Variants in MCF2L2 observed in about 807,000 individuals in gnomAD.
The protein encoded by MCF2L2 is probable guanine nucleotide exchange factor MCF2L2.
Under a neutral mutation model 150.2 loss-of-function variants are expected in MCF2L2, and 102 were observed. The ratio of observed to expected loss-of-function variants is 0.68; its 90% confidence interval spans 0.58 to 0.80. The LOEUF is 0.80. Among genes scored for constraint, MCF2L2 ranks in the 30% least tolerant of loss-of-function variants. MCF2L2 has a pLI of 0.00. For missense variants in MCF2L2, 1,256 were observed against 1,372.8 expected (o/e 0.91, Z 1.34); for synonymous variants, 465 against 491.3 (o/e 0.95, Z 0.71).
chr3:183,387,703 C>T (rs1015658640), intron 2 of MCF2L2, among the ~76,000 whole-genome samples: 2 of 151,956 alleles, frequency 1.3e-5, no homozygotes, highest in African/African-American at 2.4e-5. Context: ...GAGGCTGAGG[C>T]AGGTGGATCA....
chr3:183,329,023 G>T (rs1000010194), intron 5 of MCF2L2, among the ~76,000 whole-genome samples: 3 of 152,048 alleles, frequency 2.0e-5, no homozygotes, highest in Non-Finnish European at 4.4e-5. Context: ...AAATACCCTC[G>T]TTTTTGAAAA....
At position 183,270,997 on chromosome 3, in the gene MCF2L2, TAAATGTTCGTCTATACCCTAAGTA is replaced by T; in HGVS notation, c.1862+5851_1862+5874del. The stretch of plus-strand genomic sequence containing the variant: ...GTCAAACCTGGATGAAAAAAACCTT[TAAATGTTCGTCTATACCCTAAGTA>T]AAATGAGGACGAAAGACAAATATTT... On this transcript the variant is annotated intron_variant, in intron 15 of 29. Coordinates refer to ENST00000328913, the MANE Select transcript of MCF2L2 (RefSeq NM_015078.4). This position sits in a 1 kb window ranked among gnomAD's most constrained non-coding sequence, Gnocchi z 4.5. The T allele has an allele frequency of 6.9e-7, 1 of 1,443,090 alleles. No homozygotes were observed. The highest frequency in any genetic ancestry group is 1.4e-5 in the African/African-American group (1 of 69,990). 89.4% of individuals were successfully genotyped at this position (1,443,090 alleles called of 1,614,324 possible).
chr3:183,289,278 T>G, intron 13 of MCF2L2, 58 bp from the exon 14 acceptor site: 1 of 1,166,124 alleles, frequency 8.6e-7, no homozygotes, highest in Non-Finnish European at 1.3e-6. Flanking sequence ...CTCAGTGCAC[T>G]TTGTCTGATT....
At chr3:183,370,464 A>G (rs1712804263) in intron 3 of MCF2L2, among the ~76,000 whole-genome samples, 1 of 152,268 alleles carries the variant, frequency 6.6e-6, no homozygotes. Flanking sequence ...AGATGTTTAC[A>G]ATCATTAGCA....
intron 15 of MCF2L2, among the ~76,000 whole-genome samples, chr3:183,254,423 G>A (rs1724835029): frequency 1.3e-5 from 2 of 151,886 alleles, no homozygotes; most frequent in South Asian, 4.1e-4. Context: ...CCCCTCCCCG[G>A]AACGCCTTTG....
intron 3 of MCF2L2, among the ~76,000 whole-genome samples, chr3:183,366,708 A>G (rs1712543508): frequency 6.6e-6 from 1 of 152,236 alleles, no homozygotes; most frequent in Admixed American, 6.5e-5. Flanking sequence ...AAGTGTTTCA[A>G]TGAAAATGAA....
chr3:183,335,940 G>A (rs1295383675), intron 5 of MCF2L2, among the ~76,000 whole-genome samples: 1 of 152,114 alleles, frequency 6.6e-6, no homozygotes, highest in East Asian at 1.9e-4. Context: ...CCTTCCATGT[G>A]AGGCCAAAGC....
intron 1 of MCF2L2, among the ~76,000 whole-genome samples, chr3:183,403,330 C>A (rs1714870569): frequency 6.6e-6 from 1 of 152,152 alleles, no homozygotes; most frequent in Non-Finnish European, 1.5e-5. Flanking sequence ...AGAGTCTTAG[C>A]GCTCACCGTT....
At chr3:183,238,120 A>G (rs1020827058) in intron 15 of MCF2L2, among the ~76,000 whole-genome samples, 4 of 151,924 alleles carry the variant, frequency 2.6e-5, no homozygotes, top group Non-Finnish European at 4.4e-5. Context: ...TTTACTTCCA[A>G]CTATGTGGTC....
chr3:183,188,020 A>G (rs472795), intron 27 of MCF2L2, among the ~76,000 whole-genome samples: 137,021 of 152,234 alleles, frequency 0.9, 61,764 homozygotes, highest in East Asian at 1. Context: ...CTGCTTAACA[A>G]AGGCCGAGAG....
intron 25 of MCF2L2, among the ~76,000 whole-genome samples, chr3:183,199,530 G>A (rs895718999): frequency 4.0e-5 from 6 of 151,840 alleles, no homozygotes; most frequent in South Asian, 2.1e-4. Flanking sequence ...GAAAAAACCC[G>A]TCCCCAAATT....
chr3:183,241,144 G>A (rs1410967819), intron 15 of MCF2L2, among the ~76,000 whole-genome samples: 1 of 152,230 alleles, frequency 6.6e-6, no homozygotes, highest in African/African-American at 2.4e-5. Context: ...CAGGGGTTGG[G>A]GGAGACACTG....
At chr3:183,249,319 G>A (rs561968742) in intron 15 of MCF2L2, among the ~76,000 whole-genome samples, 287 of 152,320 alleles carry the variant, frequency 1.9e-3, no homozygotes, top group African/African-American at 6.5e-3. Context: ...GCTGGTATCA[G>A]GCCATTTTCA....
At chr3:183,340,368 A>C (rs1730648284) in intron 4 of MCF2L2, among the ~76,000 whole-genome samples, 1 of 152,064 alleles carries the variant, frequency 6.6e-6, no homozygotes, top group Non-Finnish European at 1.5e-5. Flanking sequence ...CATCCTCTTT[A>C]GCCAGTCCCA....
At chr3:183,203,178 A>T (rs1385652888) in intron 25 of MCF2L2, among the ~76,000 whole-genome samples, 1 of 152,126 alleles carries the variant, frequency 6.6e-6, no homozygotes, top group Non-Finnish European at 1.5e-5. Flanking sequence ...ATGCCATTGC[A>T]CTCCAGCCTG....
chr3:183,276,155 C>G (rs765664837), intron 15 of MCF2L2, among the ~76,000 whole-genome samples: 1 of 152,152 alleles, frequency 6.6e-6, no homozygotes, highest in African/African-American at 2.4e-5. Context: ...AGTAAGAGCC[C>G]ACATGTTTCT....
At chr3:183,402,468 A>G (rs1028049195) in intron 1 of MCF2L2, among the ~76,000 whole-genome samples, 1 of 148,202 alleles carries the variant, frequency 6.7e-6, no homozygotes, top group Non-Finnish European at 1.5e-5. Context: ...AAAAAAAAAA[A>G]AAAAAGAATA....
chr3:183,292,546 AG>A (rs1277723738), intron 13 of MCF2L2, among the ~76,000 whole-genome samples: 1 of 147,564 alleles, frequency 6.8e-6, no homozygotes, highest in African/African-American at 2.6e-5. Context: ...ATGGTGAATA[AG>A]GGGGTATGTA....
chr3:183,222,142 AC>A (rs565506766), intron 20 of MCF2L2, among the ~76,000 whole-genome samples: 3 of 152,278 alleles, frequency 2.0e-5, no homozygotes, highest in African/African-American at 7.2e-5. Context: ...TGCTGGGACT[AC>A]AGGTGTGTGT....
Sources: gnomAD v4.1 joint callset for allele counts (sites outside exome capture counted in the v4.1 genomes callset) on GRCh38, gnomAD v4.1.1 for gene constraint, Gnocchi (gnomAD v3.1) non-coding constraint, MANE v1.5 for transcripts, NCBI Gene and HGNC (gene_info 2026-07-23, HGNC 2026-07-21) for gene names.